The following GNB4 variants were observed in gnomAD, a reference collection of about 807,000 sequenced individuals.
GNB4 encodes G protein subunit beta 4.
A neutral mutation model predicts 45.2 loss-of-function variants in GNB4; 28 were observed. The ratio of observed to expected loss-of-function variants is 0.62; its 90% confidence interval spans 0.46 to 0.85. The LOEUF is 0.85. Among genes scored for constraint, GNB4 ranks in the 40% least tolerant of loss-of-function variants. The pLI, the probability that GNB4 is intolerant of heterozygous loss-of-function variation, is 0.00. For synonymous variants in GNB4, 132 were observed against 143.7 expected, an observed-to-expected ratio of 0.92 and a Z score of 0.58; for missense variants, 321 against 425.4, an observed-to-expected ratio of 0.75 and a Z score of 2.16.
the GNB4 span, among the ~76,000 whole-genome samples, chr3:179,482,034 C>T: frequency 9.2e-5 from 14 of 152,234 alleles, no homozygotes; most frequent in African/African-American, 3.4e-4. Context: ...TCCCCAGTAG[C>T]TGGGACAACA....
At chr3:179,479,009 A>G in the GNB4 span, among the ~76,000 whole-genome samples, 3 of 152,194 alleles carry the variant, frequency 2.0e-5, no homozygotes, top group East Asian at 5.8e-4. Flanking sequence ...AGCAAAAGCC[A>G]CTATGCTTCC....
intron 8 of GNB4, chr3:179,405,971 T>A (rs568427720): frequency 9.2e-5 from 14 of 152,332 alleles, no homozygotes; most frequent in African/African-American, 2.9e-4. Flanking sequence ...CTTCTTAAGA[T>A]ATCAGTATTT....
At chr3:179,423,526 G>A (rs112235508) in intron 2 of GNB4, among the ~76,000 whole-genome samples, 2,975 of 152,126 alleles carry the variant, frequency 0.02, 100 homozygotes, top group African/African-American at 0.069. Flanking sequence ...GCTTACGCCT[G>A]TAATCCCAGC....
the GNB4 span, among the ~76,000 whole-genome samples, chr3:179,483,559 A>C: frequency 6.6e-6 from 1 of 152,264 alleles, no homozygotes; most frequent in African/African-American, 2.4e-5. Flanking sequence ...GCCTAATTTC[A>C]TTTCCCTTCT....
At chr3:179,474,737 CTTTTT>C in the GNB4 span, among the ~76,000 whole-genome samples, 1 of 59,726 alleles carries the variant, frequency 1.7e-5, no homozygotes, top group African/African-American at 7.3e-5. Context: ...AGACTGGGTC[CTTTTT>C]TTTTTTTTTT....
At chr3:179,411,929 G>A (rs1448137780) in intron 8 of GNB4, among the ~76,000 whole-genome samples, 1 of 152,022 alleles carries the variant, frequency 6.6e-6, no homozygotes, top group Non-Finnish European at 1.5e-5. Flanking sequence ...GTACTGTTTG[G>A]CATCTGATCT....
intron 1 of GNB4, among the ~76,000 whole-genome samples, chr3:179,446,103 T>G (rs1013804118): frequency 2.0e-5 from 3 of 152,166 alleles, no homozygotes; most frequent in Non-Finnish European, 4.4e-5. Context: ...TACTGGAAAA[T>G]GGAACTGAGG....
chr3:179,447,690 G>GGGTGGT (rs1715771080), intron 1 of GNB4, among the ~76,000 whole-genome samples: 1 of 152,156 alleles, frequency 6.6e-6, no homozygotes, highest in South Asian at 2.1e-4. Flanking sequence ...TTTGACACCA[G>GGGTGGT]GGTGGTGGTG....
the GNB4 span, among the ~76,000 whole-genome samples, chr3:179,510,344 C>A: frequency 1.3e-5 from 2 of 152,140 alleles, no homozygotes; most frequent in Admixed American, 6.5e-5. Context: ...TGAGCCACTG[C>A]CCTCATTCAG....
At chr3:179,424,640 C>G (rs553101130) in intron 2 of GNB4, among the ~76,000 whole-genome samples, 1 of 152,284 alleles carries the variant, frequency 6.6e-6, no homozygotes, top group African/African-American at 2.4e-5. Context: ...GGGTCTTGCT[C>G]TTTTGTCCAG....
At chr3:179,468,031 T>TTAAAAAAAAAAAAAA in the GNB4 span, among the ~76,000 whole-genome samples, 59 of 67,214 alleles carry the variant, frequency 8.8e-4, no homozygotes, top group African/African-American at 2.7e-3. Flanking sequence ...ATTTTGTTGA[T>TTAAAAAAAAAAAAAA]AAAAATATAT....
intron 1 of GNB4, among the ~76,000 whole-genome samples, chr3:179,430,870 CAG>C (rs371907508): frequency 1.3e-5 from 2 of 152,134 alleles, no homozygotes; most frequent in Non-Finnish European, 2.9e-5. Context: ...TGTTCTAACA[CAG>C]AGAAAGACTG....
At chr3:179,451,000 A>C (rs1056588542) in intron 1 of GNB4, 2 of 152,270 alleles carry the variant, frequency 1.3e-5, no homozygotes, top group Non-Finnish European at 2.9e-5. Flanking sequence ...GAGTTCCTGG[A>C]AGGAGGCCTC....
the GNB4 span, among the ~76,000 whole-genome samples, chr3:179,502,301 T>G: frequency 7.0e-6 from 1 of 142,162 alleles, no homozygotes; most frequent in African/African-American, 2.6e-5. Context: ...TGTCACCATC[T>G]CGGCTCACTG....
the GNB4 span, among the ~76,000 whole-genome samples, chr3:179,485,004 T>C: frequency 3.6e-3 from 236 of 65,848 alleles, 6 homozygotes; most frequent in African/African-American, 9.2e-3. Flanking sequence ...TTTTTCGTTT[T>C]GTTTTTTTTT....
the GNB4 span, among the ~76,000 whole-genome samples, chr3:179,492,169 A>G: frequency 6.6e-6 from 1 of 152,170 alleles, no homozygotes; most frequent in Non-Finnish European, 1.5e-5. Context: ...GAAAAAGGAG[A>G]GCAAGAAAAC....
At chr3:179,480,013 T>G in the GNB4 span, among the ~76,000 whole-genome samples, 1 of 152,246 alleles carries the variant, frequency 6.6e-6, no homozygotes, top group African/African-American at 2.4e-5. Context: ...AGAGATCGAC[T>G]CTCATGAATG....
chr3:179,480,868 T>C, the GNB4 span, among the ~76,000 whole-genome samples: 2 of 150,682 alleles, frequency 1.3e-5, no homozygotes, highest in African/African-American at 4.9e-5. Flanking sequence ...TTTTTTTTTT[T>C]TGAGACGGAG....
At chr3:179,526,146 G>A in the GNB4 span, among the ~76,000 whole-genome samples, 4 of 152,200 alleles carry the variant, frequency 2.6e-5, no homozygotes, top group South Asian at 4.1e-4. Flanking sequence ...GTTCTCTGGC[G>A]GGCAGGGGCG....
Sources: gnomAD v4.1 joint callset for allele counts (sites outside exome capture counted in the v4.1 genomes callset) on GRCh38, gnomAD v4.1.1 for gene constraint, MANE v1.5 for transcripts, NCBI Gene and HGNC (gene_info 2026-07-23, HGNC 2026-07-21) for gene names.